The following PSD3 variants were observed in gnomAD, a reference collection of about 807,000 sequenced individuals.
The protein encoded by PSD3 is PH and SEC7 domain-containing protein 3.
PSD3 carries 49 observed loss-of-function variants against 105.5 expected under a neutral mutation model. The ratio of observed to expected loss-of-function variants is 0.46; its 90% CI spans 0.37 to 0.59. The LOEUF is 0.59. Ranked by LOEUF, PSD3 falls within the 20% of genes least tolerant of loss-of-function variation. The pLI, the probability that PSD3 is intolerant of heterozygous loss-of-function variation, is 0.00. For missense variants in PSD3, 1,561 were observed against 1,263.8 expected (o/e 1.24, Z -3.57); for synonymous variants, 557 against 457.8 (o/e 1.22, Z -2.77).
intron 1 of PSD3, among the ~76,000 whole-genome samples, chr8:18,987,480 G>T (rs1825569518): frequency 6.6e-6 from 1 of 151,854 alleles, no homozygotes; most frequent in African/African-American, 2.4e-5. Flanking sequence ...GTAGAGATGG[G>T]GTTTCACTGT....
chr8:18,813,332 G>A (rs761919395), intron 4 of PSD3, among the ~76,000 whole-genome samples: 5 of 152,128 alleles, frequency 3.3e-5, no homozygotes, highest in Admixed American at 6.5e-5. Flanking sequence ...TCGAAGAAAC[G>A]ATAGGTACAA....
At chr8:18,584,267 G>A (rs887014511) in intron 12 of PSD3, among the ~76,000 whole-genome samples, 2 of 152,194 alleles carry the variant, frequency 1.3e-5, no homozygotes, top group African/African-American at 4.8e-5. Context: ...CAAGTCAGAG[G>A]CTGAAGGAAA....
intron 1 of PSD3, among the ~76,000 whole-genome samples, chr8:19,038,743 C>T (rs939098020): frequency 6.6e-6 from 1 of 152,148 alleles, no homozygotes; most frequent in African/African-American, 2.4e-5. Flanking sequence ...AAGGTGTGAG[C>T]CTGGCCCTTA....
rs114383154 is a variant in PSD3 at position 19,064,550 on chromosome 8, A to C, written c.324+19656T>G. 8.1e-3 allele frequency among the ~76,000 whole-genome samples: 1,236 copies of C among 152,260 alleles called. 23 individuals carry two copies. The highest frequency in any genetic ancestry group is 0.028 in the African/African-American group (1,175 of 41,550). On this transcript the variant is annotated intron_variant, in intron 1 of 1. Transcript: ENST00000521475. ...CATTCCAATGGCTTCTTTTCAAGTAAAGGGAGAAACATTCTAATAATACCG... is the reference window on the plus strand; with the variant it reads ...CATTCCAATGGCTTCTTTTCAAGTACAGGGAGAAACATTCTAATAATACCG...
At chr8:18,583,648 T>G (rs1488610348) in intron 12 of PSD3, among the ~76,000 whole-genome samples, 1 of 152,186 alleles carries the variant, frequency 6.6e-6, no homozygotes, top group Non-Finnish European at 1.5e-5. Context: ...CATTTGTGTT[T>G]TTAAGTGTGG....
At chr8:18,948,942 G>A (rs972978240) in intron 1 of PSD3, among the ~76,000 whole-genome samples, 5 of 151,842 alleles carry the variant, frequency 3.3e-5, no homozygotes, top group African/African-American at 1.2e-4. Context: ...GGTGGCAACT[G>A]TGTATTTAAG....
intron 8 of PSD3, among the ~76,000 whole-genome samples, chr8:18,797,389 T>TGTTACA (rs1249169227): frequency 6.6e-6 from 1 of 152,122 alleles, no homozygotes; most frequent in Non-Finnish European, 1.5e-5. Context: ...CAAGGTAATA[T>TGTTACA]TAAAATGTTA....
At chr8:18,636,621 C>T (rs900336468) in intron 10 of PSD3, among the ~76,000 whole-genome samples, 9 of 152,268 alleles carry the variant, frequency 5.9e-5, no homozygotes, top group African/African-American at 2.2e-4. Flanking sequence ...TCTGCAAACT[C>T]CATTCATGGT....
intron 1 of PSD3, among the ~76,000 whole-genome samples, chr8:18,982,914 A>G (rs1825312612): frequency 6.6e-6 from 1 of 152,186 alleles, no homozygotes; most frequent in African/African-American, 2.4e-5. Context: ...GCCCCTAACA[A>G]GAGTCAGCCT....
intron 2 of PSD3, among the ~76,000 whole-genome samples, chr8:18,932,589 G>A (rs1161249102): frequency 1.3e-5 from 2 of 152,088 alleles, no homozygotes; most frequent in East Asian, 1.9e-4. Flanking sequence ...ATTTTTAATC[G>A]GATTCTAAAT....
At chr8:18,758,203 C>G (rs979582465) in intron 9 of PSD3, among the ~76,000 whole-genome samples, 2 of 152,050 alleles carry the variant, frequency 1.3e-5, no homozygotes, top group South Asian at 2.1e-4. Context: ...TACTTGTACT[C>G]AGCGATAATC....
intron 2 of PSD3, among the ~76,000 whole-genome samples, chr8:18,911,457 T>C (rs1820217225): frequency 6.6e-6 from 1 of 152,102 alleles, no homozygotes; most frequent in Non-Finnish European, 1.5e-5. Context: ...GACCCGTGAC[T>C]TCCTTGCTGT....
chr8:18,944,969 C>T (rs1191379524), intron 1 of PSD3, among the ~76,000 whole-genome samples: 1 of 152,062 alleles, frequency 6.6e-6, no homozygotes, highest in Admixed American at 6.5e-5. Context: ...TGGTTCCTTT[C>T]GATGAAAAAT....
chr8:18,596,724 A>C (rs1804129534), intron 12 of PSD3, among the ~76,000 whole-genome samples: 1 of 151,178 alleles, frequency 6.6e-6, no homozygotes, highest in Admixed American at 6.6e-5. Flanking sequence ...TGGGAAACCT[A>C]GAAGAAAGGG....
At chr8:18,827,342 C>G (rs750884705) in intron 4 of PSD3, among the ~76,000 whole-genome samples, 1 of 152,108 alleles carries the variant, frequency 6.6e-6, no homozygotes, top group East Asian at 1.9e-4. Flanking sequence ...GGATAGGTCA[C>G]AGAAGACAGA....
At chr8:18,602,841 A>C (rs1283159307) in intron 11 of PSD3, among the ~76,000 whole-genome samples, 1 of 152,180 alleles carries the variant, frequency 6.6e-6, no homozygotes, top group Middle Eastern at 3.2e-3. Context: ...AGCAAAACAC[A>C]ATGAGCTGGA....
intron 12 of PSD3, among the ~76,000 whole-genome samples, chr8:18,576,278 G>A (rs1202368752): frequency 1.3e-5 from 2 of 152,058 alleles, no homozygotes; most frequent in African/African-American, 4.8e-5. Context: ...ACAATATGAT[G>A]TAAATACCAG....
intron 2 of PSD3, among the ~76,000 whole-genome samples, chr8:18,893,843 C>T (rs1010540370): frequency 6.6e-6 from 1 of 152,212 alleles, no homozygotes; most frequent in Non-Finnish European, 1.5e-5. Context: ...GCCACGGCTG[C>T]CATTCTGCTC....
At chr8:18,881,371 G>A (rs1818091336) in intron 2 of PSD3, among the ~76,000 whole-genome samples, 1 of 152,250 alleles carries the variant, frequency 6.6e-6, no homozygotes, top group East Asian at 1.9e-4. Context: ...AAATAAGCCT[G>A]TTCCATAAGA....
Sources: allele counts gnomAD v4.1 joint callset (sites outside exome capture counted in the v4.1 genomes callset), GRCh38; gene constraint gnomAD v4.1.1; transcripts MANE v1.5; gene names NCBI Gene and HGNC (gene_info 2026-07-23, HGNC 2026-07-21).